EIPR1: variants seen among roughly 807,000 people sequenced by gnomAD.
The protein encoded by EIPR1 is EARP and GARP complex-interacting protein 1.
A neutral mutation model predicts 48.1 loss-of-function variants in EIPR1; 25 were observed. That is an observed-to-expected ratio of 0.52 (90% CI 0.38 to 0.73). EIPR1 has a LOEUF of 0.73. Ranked by LOEUF, EIPR1 falls within the 30% of genes least tolerant of loss-of-function variation. EIPR1 has a pLI of 0.00. For synonymous variants in EIPR1, 204 were observed against 201.9 expected (o/e 1.01, Z -0.09); for missense variants, 415 against 506.2 (o/e 0.82, Z 1.73).
intron 5 of EIPR1, among the ~76,000 whole-genome samples, chr2:3,200,565 G>A (rs1470132041): frequency 1.3e-5 from 2 of 152,102 alleles, no homozygotes; most frequent in African/African-American, 4.8e-5. Flanking sequence ...GCAGGAAAAC[G>A]CCAGGAGCAC....
At chr2:3,280,598 G>A (rs1051507593) in intron 3 of EIPR1, among the ~76,000 whole-genome samples, 1 of 152,230 alleles carries the variant, frequency 6.6e-6, no homozygotes, top group Non-Finnish European at 1.5e-5. Context: ...GCGAGCAAAC[G>A]AGGTTGCCTT....
intron 3 of EIPR1, among the ~76,000 whole-genome samples, chr2:3,284,498 C>T (rs566446162): frequency 2.6e-5 from 4 of 152,396 alleles, no homozygotes; most frequent in South Asian, 2.1e-4. Flanking sequence ...GGCGGGAGGC[C>T]GGGTCTTGAG....
chr2:3,201,551 C>T lies in EIPR1; in HGVS notation c.517-4534G>A, dbSNP rs193214775. ...ACACAGAGCGGGGGCACAGGCACTG[C>T]AGGGAGGGAGAGCGTGGCTCCCACA... is the stretch of plus-strand genomic sequence containing the variant. On this transcript the variant is annotated intron_variant, in intron 5 of 8. Transcript: ENST00000382125. 5.5e-4 allele frequency among the ~76,000 whole-genome samples: 84 copies of T among 152,312 alleles called. 1 individual carries two copies. The East Asian group carries it at 9.3e-3, about 17-fold the overall frequency.
At chr2:3,307,006 T>A (rs1348145077) in intron 3 of EIPR1, among the ~76,000 whole-genome samples, 3 of 152,122 alleles carry the variant, frequency 2.0e-5, no homozygotes, top group Non-Finnish European at 4.4e-5. Flanking sequence ...CTTGCTCTAT[T>A]GCCCAGGCTG....
intron 3 of EIPR1, among the ~76,000 whole-genome samples, chr2:3,309,569 A>G (rs1669058842): frequency 6.6e-6 from 1 of 152,184 alleles, no homozygotes; most frequent in Non-Finnish European, 1.5e-5. Context: ...ACACACGCAC[A>G]TAAACACACA....
rs114920829 is a variant in EIPR1 at position 3,208,706 on chromosome 2, G to A, written c.516+5443C>T. On this transcript the variant is annotated intron_variant, in intron 5 of 8. Transcript: ENST00000382125. ...CCAATTCCCCCAGGAAACACTCGGCGGGTCCTTCTTCCATGCGTGAGGCTC... is the reference window on the plus strand; with the variant it reads ...CCAATTCCCCCAGGAAACACTCGGCAGGTCCTTCTTCCATGCGTGAGGCTC... 4.1e-4 allele frequency: 631 copies of A among 1,550,226 alleles called. 4 individuals carry two copies. In the African/African-American group the frequency reaches 7.8e-3, roughly 19 times the overall value.
intron 1 of EIPR1, among the ~76,000 whole-genome samples, chr2:3,369,548 C>T (rs11693149): frequency 0.014 from 2,158 of 152,318 alleles, 48 homozygotes; most frequent in African/African-American, 0.05. Context: ...TGCGCTTTTC[C>T]GACGGGCTTA....
At chr2:3,223,251 G>C (rs1010862862) in intron 4 of EIPR1, among the ~76,000 whole-genome samples, 1 of 152,268 alleles carries the variant, frequency 6.6e-6, no homozygotes, top group South Asian at 2.1e-4. Context: ...GATCCACAAA[G>C]GTCGCTGGGA....
intron 3 of EIPR1, chr2:3,320,272 G>A: frequency 5.7e-6 from 1 of 175,370 alleles, no homozygotes; most frequent in Non-Finnish European, 1.2e-5. Flanking sequence ...CACACCTGCA[G>A]ACAACACTAT....
chr2:3,365,640 G>T (rs900079671), intron 1 of EIPR1, among the ~76,000 whole-genome samples: 2 of 150,344 alleles, frequency 1.3e-5, no homozygotes, highest in Non-Finnish European at 3.0e-5. Context: ...GCGGCCTTCC[G>T]CAGTGTTTGT....
At chr2:3,342,072 T>TA (rs1330149476) in intron 2 of EIPR1, among the ~76,000 whole-genome samples, 4 of 152,200 alleles carry the variant, frequency 2.6e-5, no homozygotes, top group African/African-American at 7.2e-5. Context: ...TTATAATATG[T>TA]AAATAAGAAC....
At chr2:3,365,658 G>A (rs1289513525) in intron 1 of EIPR1, among the ~76,000 whole-genome samples, 1 of 150,046 alleles carries the variant, frequency 6.7e-6, no homozygotes, top group African/African-American at 2.5e-5. Context: ...TGTGTCCCTG[G>A]GTACTTGAGA....
intron 4 of EIPR1, among the ~76,000 whole-genome samples, chr2:3,230,837 G>T (rs1484611722): frequency 6.6e-6 from 1 of 152,074 alleles, no homozygotes; most frequent in African/African-American, 2.4e-5. Flanking sequence ...AAGGTATTTT[G>T]GGGTTCCATA....
intron 3 of EIPR1, among the ~76,000 whole-genome samples, chr2:3,317,236 C>A (rs573510232): frequency 6.6e-6 from 1 of 151,030 alleles, no homozygotes; most frequent in Non-Finnish European, 1.5e-5. Context: ...AGGCACTGAC[C>A]AAGCTGAGGA....
intron 4 of EIPR1, among the ~76,000 whole-genome samples, chr2:3,230,669 G>A (rs1182638562): frequency 1.3e-5 from 2 of 152,126 alleles, no homozygotes; most frequent in Non-Finnish European, 2.9e-5. Flanking sequence ...CCATATACGT[G>A]TGAGTTTATT....
chr2:3,299,359 G>A (rs1481117523), intron 3 of EIPR1, among the ~76,000 whole-genome samples: 2 of 135,408 alleles, frequency 1.5e-5, no homozygotes, highest in Non-Finnish European at 3.3e-5. Flanking sequence ...TCGGCCCTGG[G>A]TCAGCTCATT....
chr2:3,377,789 T>G lies in EIPR1; in HGVS notation c.-100A>C. ...CGGGCGTGTTCCCAGCGCCCATTCA[T>G]TCCCTCCCCGCAGCAAACGACTCCA... On this transcript the variant is annotated 5_prime_UTR_variant, in exon 1 of 9. An upstream start codon of the reference 5' UTR is lost. Coordinates refer to ENST00000382125, the MANE Select transcript of EIPR1 (RefSeq NM_003310.5). 6 of 1,398,306 alleles carry G rather than the reference T, an allele frequency of 4.3e-6. No homozygotes were observed. The highest frequency in any genetic ancestry group is 4.9e-6 in the Non-Finnish European group (5 of 1,019,270). The allele number at this position is 1,398,306 out of a possible 1,614,324, so 86.6% of individuals were successfully genotyped here.
chr2:3,253,312 T>C (rs143903078), intron 4 of EIPR1, among the ~76,000 whole-genome samples: 2,948 of 152,344 alleles, frequency 0.019, 43 homozygotes, highest in Non-Finnish European at 0.032. Context: ...ATTTGATTGA[T>C]GTCTCATGAC....
chr2:3,258,313 G>T (rs1356050838), intron 3 of EIPR1, among the ~76,000 whole-genome samples: 1 of 152,006 alleles, frequency 6.6e-6, no homozygotes, highest in East Asian at 1.9e-4. Flanking sequence ...ATTTAACATT[G>T]AATTCTTGAA....
Sources: gnomAD v4.1 joint callset for allele counts (sites outside exome capture counted in the v4.1 genomes callset) on GRCh38, gnomAD v4.1.1 for gene constraint, MANE v1.5 for transcripts, NCBI Gene and HGNC (gene_info 2026-07-23, HGNC 2026-07-21) for gene names.